Variants in CACNA1B observed in about 807,000 individuals in gnomAD.
CACNA1B encodes calcium voltage-gated channel subunit alpha1 B, also known as voltage-dependent N-type calcium channel subunit alpha-1B.
A neutral mutation model predicts 247.2 loss-of-function variants in CACNA1B; 70 were observed. That is an observed-to-expected ratio of 0.28 (90% CI 0.23 to 0.35). The LOEUF is 0.35. Among genes scored for constraint, CACNA1B ranks in the 10% least tolerant of loss-of-function variants. The pLI is 1.00. For missense variants in CACNA1B, 2,367 were observed against 3,197.4 expected, an observed-to-expected ratio of 0.74 and a Z score of 6.26; for synonymous variants, 1,231 against 1,294.4, an observed-to-expected ratio of 0.95 and a Z score of 1.05.
intron 26 of CACNA1B, among the ~76,000 whole-genome samples, chr9:138,055,462 C>A (rs112618490): frequency 3.3e-5 from 5 of 152,102 alleles, no homozygotes; most frequent in Non-Finnish European, 7.4e-5. Context: ...TCCAACTGAT[C>A]TTTTTTATTC....
In CACNA1B at chr9:137,973,804, G is replaced by A. The variant is rs917790502; in HGVS notation, c.1544-2103G>A. ...TGAGTATGTGAGGCTGAGGGCCTCT[G>A]TTCCTAGGGAGAGTGAGAGGGCAGA... On this transcript the variant is annotated intron_variant, in intron 11 of 46. Coordinates refer to ENST00000371372, the MANE Select transcript of CACNA1B (RefSeq NM_000718.4). The surrounding 1 kb of genome is among the most constrained non-coding windows in gnomAD (Gnocchi z 4.1). Among the ~76,000 whole-genome samples, 7 of 152,190 alleles carry A rather than the reference G, an allele frequency of 4.6e-5. No individual in the cohort carries two copies. The highest frequency in any genetic ancestry group is 7.3e-5 in the Non-Finnish European group (5 of 68,034).
At position 138,023,037 on chromosome 9, in the gene CACNA1B, G is replaced by C. The variant is rs1958869002; in HGVS notation, c.2294G>C (p.Arg765Pro). 1 of 1,524,286 alleles carries C rather than the reference G, an allele frequency of 6.6e-7. No individual in the cohort carries two copies. Among genetic ancestry groups the C allele is most frequent in the Admixed American group, 2.0e-5 (1 of 50,408 alleles). The allele number at this position is 1,524,286 out of a possible 1,614,324, so 94.4% of individuals were successfully genotyped here. A position where few individuals can be genotyped will look rare whatever the true frequency, so the allele number is the denominator to read the frequency against. The change falls in exon 19 of 47, where the codon CGC (arginine) becomes CCC (proline). Residue 765 changes from arginine to proline, a missense_variant. Around this residue, in one of 12 missense-constraint regions of CACNA1B, gnomAD observed 631 missense variants for 631.1 expected, o/e 1.00. Transcript: ENST00000371372. The stretch of plus-strand genomic sequence containing the variant: ...AGGCAGCAGAACTCGGCCAAGGCGC[G>C]CTCGGTGTGGGAGCAGCGGGCCAGC... ...AARQQNSAKA[R>P]SVWEQRASQL...
rs75925357 is a variant in CACNA1B at position 138,121,527 on chromosome 9, G to A, written c.6548G>A (p.Gly2183Asp). 2 of 1,577,328 alleles carry A rather than the reference G, an allele frequency of 1.3e-6. No individual in the cohort carries two copies. Residue 2183 changes from glycine to aspartate, a missense_variant, in exon 47 of 47, where the codon GGC becomes GAC. Gly to Asp is a moderately conservative substitution (Grantham distance 94). Transcript: ENST00000371372. This position sits in a 1 kb window ranked among gnomAD's most constrained non-coding sequence, Gnocchi z 6.8. ...LLSTSGASTP[G>D]RGGRRQLPQT... ...TCAACATCTGGTGCTAGCACCCCCGGCCGCGGTGGGCGGAGGCAGCTCCCC... is the reference window on the plus strand; with the variant it reads ...TCAACATCTGGTGCTAGCACCCCCGACCGCGGTGGGCGGAGGCAGCTCCCC...
Position 137,882,946 on chromosome 9 carries a change from A to T in CACNA1B, c.530+63A>T. 1 of 1,539,192 alleles carries T rather than the reference A, an allele frequency of 6.5e-7. No homozygotes were observed. Among genetic ancestry groups the T allele is most frequent in the Non-Finnish European group, 8.9e-7 (1 of 1,119,010 alleles). On this transcript the variant is annotated intron_variant, in intron 3 of 46. Transcript: ENST00000371372. The surrounding 1 kb of genome is among the most constrained non-coding windows in gnomAD (Gnocchi z 4.0). ...CCCGGGCGTGTGCTCTCTGAAGCTCAGTTGCGCCGTGGAGCTGGGGCAGCT... is the reference window on the plus strand; with the variant it reads ...CCCGGGCGTGTGCTCTCTGAAGCTCTGTTGCGCCGTGGAGCTGGGGCAGCT...
rs58645707 is a variant in CACNA1B, at chr9:137,890,093, G to A, written c.530+7210G>A. ...GTGGGGTCTTCTCTGGGGTCTCCGC[G>A]TCTCCATGTGTGCTCTGCTGCCTGA... On this transcript the variant is annotated intron_variant, in intron 3 of 46. Coordinates refer to ENST00000371372, the MANE Select transcript of CACNA1B (RefSeq NM_000718.4). The A allele has an allele frequency of 1.0e-4, 15 of 149,362 alleles. 2 individuals are homozygous for A. Among genetic ancestry groups the A allele is most frequent in the Admixed American group, 3.4e-4 (5 of 14,906 alleles). 9.3% of individuals were successfully genotyped at this position (149,362 alleles called of 1,614,324 possible).
At chr9:137,949,918 A>G (rs951812753) in intron 6 of CACNA1B, among the ~76,000 whole-genome samples, 2 of 152,194 alleles carry the variant, frequency 1.3e-5, no homozygotes, top group Non-Finnish European at 2.9e-5. Flanking sequence ...CTAAGTTGAC[A>G]CAACATTAAC....
chr9:138,002,289 G>A (rs1958586555), intron 15 of CACNA1B, among the ~76,000 whole-genome samples: 1 of 152,062 alleles, frequency 6.6e-6, no homozygotes, highest in African/African-American at 2.4e-5. Flanking sequence ...CAAAAATTTG[G>A]GTCTGGGAAA....
At chr9:137,948,710 T>C (rs927105442) in intron 6 of CACNA1B, among the ~76,000 whole-genome samples, 2 of 150,506 alleles carry the variant, frequency 1.3e-5, no homozygotes, top group East Asian at 3.9e-4. Context: ...GTCTGGTGTG[T>C]GTGTGGTGTA....
chr9:138,081,163 C>T (rs544964402), intron 36 of CACNA1B, among the ~76,000 whole-genome samples: 140 of 152,276 alleles, frequency 9.2e-4, no homozygotes, highest in African/African-American at 3.0e-3. Context: ...TGCACCTGGC[C>T]GCAGAGATGG....
At chr9:138,091,542 A>G (rs532790663) in intron 36 of CACNA1B, among the ~76,000 whole-genome samples, 2 of 152,370 alleles carry the variant, frequency 1.3e-5, no homozygotes, top group Non-Finnish European at 2.9e-5. Context: ...ATTTTCAAAT[A>G]GGAGAGCAAA....
intron 20 of CACNA1B, 93 bp downstream of exon 20, chr9:138,025,265 C>A: frequency 1.3e-6 from 1 of 793,786 alleles, no homozygotes; most frequent in Non-Finnish European, 2.1e-6. Context: ...CACTGGGGAC[C>A]CAGCCTACCT....
intron 36 of CACNA1B, among the ~76,000 whole-genome samples, chr9:138,096,156 A>G (rs1229251161): frequency 1.3e-5 from 2 of 152,192 alleles, no homozygotes; most frequent in African/African-American, 4.8e-5. Flanking sequence ...CGTAGAGTCC[A>G]AACTGTTAAC....
intron 37 of CACNA1B, 36 bp downstream of exon 37, chr9:138,096,647 T>TG (rs958300751): frequency 1.3e-6 from 2 of 1,597,842 alleles, no homozygotes; most frequent in Non-Finnish European, 1.7e-6. Context: ...TCCTTGGGGG[T>TG]GGTCCATGCC....
At position 138,120,691 on chromosome 9, in the gene CACNA1B, G is replaced by A. The variant is rs760369506; in HGVS notation, c.6299G>A (p.Arg2100Gln). 2.6e-5 allele frequency: 39 copies of A among 1,516,432 alleles called. No homozygotes were observed. The highest frequency in any genetic ancestry group is 5.7e-5 in the African/African-American group (4 of 70,524). 93.9% of individuals were successfully genotyped at this position (1,516,432 alleles called of 1,614,324 possible). The part of the protein sequence containing the change: ...PPGEGPTGCR[R>Q]ERERRQERGR... ...GGAGAGGGGCCTACAGGCTGCCGGC[G>A]GGAACGAGAGCGCCGGCAGGAGCGG... The change falls in exon 46 of 47, where the codon CGG becomes CAG. Residue 2100 changes from arginine to glutamine, a missense_variant. By Grantham distance (43) the Arg-to-Gln change is conservative. Coordinates refer to ENST00000371372, the MANE Select transcript of CACNA1B (RefSeq NM_000718.4).
Position 137,971,426 on chromosome 9 carries a change from G to C in CACNA1B, c.1377G>C (p.Glu459Asp), listed in dbSNP as rs778014514. ...CCAGCCTCAAGAGCGGGAAGACAGA[G>C]AGCTCGTCATACTTCCGGAGGAAGG... is the stretch of plus-strand genomic sequence containing the variant. ...ARASLKSGKT[E>D]SSSYFRRKEK... The change falls in exon 11 of 47, where the codon GAG becomes GAC. Residue 459 changes from glutamate (E) to aspartate (D), a missense_variant. By Grantham distance (45) the Glu-to-Asp change is conservative. Coordinates refer to ENST00000371372, the MANE Select transcript of CACNA1B (RefSeq NM_000718.4). This position sits in a 1 kb window ranked among gnomAD's most constrained non-coding sequence, Gnocchi z 4.4. 4 of 1,613,560 alleles carry C rather than the reference G, an allele frequency of 2.5e-6. No homozygotes were observed. In the South Asian group the frequency reaches 4.4e-5, roughly 18 times the overall value.
At position 138,009,885 on chromosome 9, in the gene CACNA1B, G is replaced by T. The variant is rs1237796360; in HGVS notation, c.2093-125G>T. Reference sequence around the variant, plus strand: ...GAGTGTGTCTGGGGATGGGGCCTTGGGGAGCTGGTAGGTGCCAAGGGAAGG... The same window carrying T: ...GAGTGTGTCTGGGGATGGGGCCTTGTGGAGCTGGTAGGTGCCAAGGGAAGG... On this transcript the variant is annotated intron_variant, in intron 16 of 46. Transcript: ENST00000371372. 5.6e-6 allele frequency: 4 copies of T among 711,206 alleles called. No homozygotes were observed. In the East Asian group the frequency reaches 8.1e-5, roughly 14 times the overall value. 44.1% of individuals were successfully genotyped at this position (711,206 alleles called of 1,614,324 possible). A position where few individuals can be genotyped will look rare whatever the true frequency, so the allele number is the denominator to read the frequency against.
chr9:137,949,121 A>AGT (rs1199038968), intron 6 of CACNA1B, among the ~76,000 whole-genome samples: 3 of 820 alleles, frequency 3.7e-3, no homozygotes, highest in Non-Finnish European at 8.5e-3. Context: ...CTGTGTGTCC[A>AGT]GTGTGTGTGT....
intron 15 of CACNA1B, among the ~76,000 whole-genome samples, chr9:137,996,628 C>G (rs1384584614): frequency 2.0e-5 from 3 of 152,098 alleles, no homozygotes; most frequent in Non-Finnish European, 4.4e-5. Flanking sequence ...CAAACACCAC[C>G]TGTTCTCCCA....
In CACNA1B at chr9:137,917,753, G is replaced by A. The variant is rs1011676275; in HGVS notation, c.966+322G>A. 2.6e-5 allele frequency among the ~76,000 whole-genome samples: 4 copies of A among 152,224 alleles called. No individual in the cohort carries two copies. Among genetic ancestry groups the A allele is most frequent in the Non-Finnish European group, 5.9e-5 (4 of 68,040 alleles). Reference sequence around the variant, plus strand: ...TGCTGCTGTTTCTGTTGGCAAGGACGATAGTAGCACTGCTAGCTGCTCTGG... The same window carrying A: ...TGCTGCTGTTTCTGTTGGCAAGGACAATAGTAGCACTGCTAGCTGCTCTGG... On this transcript the variant is annotated intron_variant, in intron 6 of 46. Transcript: ENST00000371372. The surrounding 1 kb of genome is among the most constrained non-coding windows in gnomAD (Gnocchi z 5.5).
Sources: gnomAD v4.1 joint callset for allele counts (sites outside exome capture counted in the v4.1 genomes callset) on GRCh38, gnomAD v4.1.1 for gene constraint, gnomAD v4.1.1 regional missense constraint, Gnocchi (gnomAD v3.1) non-coding constraint, MANE v1.5 for transcripts, NCBI Gene and HGNC (gene_info 2026-07-23, HGNC 2026-07-21) for gene names.